DLGAP2: variants seen among roughly 807,000 people sequenced by gnomAD.
DLGAP2 encodes disks large-associated protein 2.
A neutral mutation model predicts 100.3 loss-of-function variants in DLGAP2; 26 were observed. That is an observed-to-expected ratio of 0.26 (90% CI 0.19 to 0.36). DLGAP2 has a LOEUF of 0.36. Among genes scored for constraint, DLGAP2 ranks in the 10% least tolerant of loss-of-function variants. The probability of loss-of-function intolerance (pLI) is 1.00; values close to 1 mark genes in which losing one functional copy is unlikely to be tolerated. For synonymous variants in DLGAP2, 886 were observed against 630.1 expected (o/e 1.41, Z -6.08); for missense variants, 1,858 against 1,453.2 (o/e 1.28, Z -4.53).
chr8:1,038,568 A>G (rs1414988147), intron 2 of DLGAP2, among the ~76,000 whole-genome samples: 1 of 152,264 alleles, frequency 6.6e-6, no homozygotes, highest in African/African-American at 2.4e-5. Flanking sequence ...CGTTAGGAGT[A>G]ATTCTCAAGA....
chr8:1,377,815 T>C (rs987429901), intron 3 of DLGAP2: 5 of 152,320 alleles, frequency 3.3e-5, no homozygotes, highest in African/African-American at 1.2e-4. Context: ...TCCAGCTCCG[T>C]GCAGAACCCG....
intron 3 of DLGAP2, among the ~76,000 whole-genome samples, chr8:1,424,884 G>A (rs1395567190): frequency 6.6e-6 from 1 of 152,208 alleles, no homozygotes; most frequent in Non-Finnish European, 1.5e-5. Flanking sequence ...GAGGGAGAAT[G>A]AGGAGGGCTG....
chr8:1,335,997 T>G (rs952434921), intron 3 of DLGAP2, among the ~76,000 whole-genome samples: 17 of 152,114 alleles, frequency 1.1e-4, no homozygotes, highest in Non-Finnish European at 2.2e-4. Context: ...GGTAAAGAGC[T>G]CCAGGGGGGA....
intron 3 of DLGAP2, among the ~76,000 whole-genome samples, chr8:1,322,672 G>A (rs770480711): frequency 1.4e-4 from 21 of 151,998 alleles, no homozygotes; most frequent in East Asian, 5.8e-4. Flanking sequence ...CCCACCCATC[G>A]TGCTGCGTCC....
At chr8:814,785 G>A (rs566746359) in intron 1 of DLGAP2, among the ~76,000 whole-genome samples, 1 of 148,832 alleles carries the variant, frequency 6.7e-6, no homozygotes, top group South Asian at 2.1e-4. Context: ...CCTAGGAGGT[G>A]GAGCTGCAGT....
intron 3 of DLGAP2, among the ~76,000 whole-genome samples, chr8:1,317,162 C>CG (rs1800774656): frequency 2.4e-5 from 3 of 123,716 alleles, no homozygotes; most frequent in East Asian, 4.8e-4. Flanking sequence ...AACTCGGCAG[C>CG]TTTAAAAATA....
At chr8:989,086 A>C (rs1800574052) in intron 2 of DLGAP2, among the ~76,000 whole-genome samples, 1 of 152,170 alleles carries the variant, frequency 6.6e-6, no homozygotes, top group East Asian at 1.9e-4. Flanking sequence ...GATCCCGTCT[A>C]GTCAGCCTCC....
At chr8:787,272 G>C (rs1027022599) in intron 1 of DLGAP2, among the ~76,000 whole-genome samples, 3 of 152,102 alleles carry the variant, frequency 2.0e-5, no homozygotes, top group African/African-American at 7.2e-5. Flanking sequence ...AGAGCCTGAC[G>C]CGTCTGTTCT....
rs139293241 is a variant in DLGAP2 at position 801,587 on chromosome 8, G to T, written c.18+63762G>T. On this transcript the variant is annotated intron_variant, in intron 1 of 14. Transcript: ENST00000637795. ...CCCTGGGTCTTTCCTGAGTAGCTGT[G>T]TGGCCAGTGGGCTTGTGGGGCTCGC... 4.7e-4 allele frequency among the ~76,000 whole-genome samples: 71 copies of T among 152,300 alleles called. 1 individual carries two copies. Among genetic ancestry groups the T allele is most frequent in the African/African-American group, 1.7e-3 (71 of 41,548 alleles).
chr8:1,295,627 A>G (rs1307024793), intron 3 of DLGAP2, among the ~76,000 whole-genome samples: 4 of 152,234 alleles, frequency 2.6e-5, no homozygotes, highest in African/African-American at 9.6e-5. Context: ...GATTATGCCT[A>G]TAAATCCCAA....
At chr8:741,020 C>T (rs1820467752) in intron 1 of DLGAP2, among the ~76,000 whole-genome samples, 2 of 152,194 alleles carry the variant, frequency 1.3e-5, no homozygotes, top group Non-Finnish European at 1.5e-5. Context: ...GGCACACTTT[C>T]TATGCAGTTA....
In DLGAP2 at chr8:1,430,011, T is replaced by TATATATATATATATATAC. The variant is rs1554467366; in HGVS notation, c.107-71353_107-71336dup. ...GGGGAGAGATGCATATATATACATA[T>TATATATATATATATATAC]ATATATATATATATATACACACACA... On this transcript the variant is annotated intron_variant, in intron 3 of 14. Transcript: ENST00000637795. Among the ~76,000 whole-genome samples the TATATATATATATATATAC allele has an allele frequency of 4.7e-4, 30 of 63,956 alleles. 3 individuals are homozygous for TATATATATATATATATAC. The highest frequency in any genetic ancestry group is 1.1e-3 in the African/African-American group (20 of 18,118). 42.0% of individuals were successfully genotyped at this position (63,956 alleles called of 152,430 possible).
At chr8:1,386,072 A>C (rs1187802065) in intron 3 of DLGAP2, among the ~76,000 whole-genome samples, 1 of 152,258 alleles carries the variant, frequency 6.6e-6, no homozygotes, top group Non-Finnish European at 1.5e-5. Context: ...TTTGAAAATA[A>C]AATTGAAAAC....
chr8:1,165,865 A>G (rs947853387), intron 2 of DLGAP2, among the ~76,000 whole-genome samples: 5 of 152,106 alleles, frequency 3.3e-5, no homozygotes, highest in Admixed American at 1.3e-4. Flanking sequence ...AGGGAAAAAA[A>G]AAACATTCAG....
intron 3 of DLGAP2, among the ~76,000 whole-genome samples, chr8:1,325,769 G>A (rs1310426696): frequency 6.6e-6 from 1 of 152,212 alleles, no homozygotes; most frequent in African/African-American, 2.4e-5. Flanking sequence ...GTTTTCCTGA[G>A]ACGGGTGAAA....
intron 2 of DLGAP2, among the ~76,000 whole-genome samples, chr8:956,144 T>C (rs924577101): frequency 2.6e-5 from 4 of 152,206 alleles, no homozygotes; most frequent in African/African-American, 9.7e-5. Context: ...TTGAGATATA[T>C]AATTTGTGTG....
At chr8:1,309,166 C>G (rs370539058) in intron 3 of DLGAP2, among the ~76,000 whole-genome samples, 2 of 151,254 alleles carry the variant, frequency 1.3e-5, no homozygotes, top group East Asian at 1.9e-4. Flanking sequence ...GAAAAGAGAA[C>G]GAAATGAAAA....
chr8:1,494,301 T>C (rs936142921), intron 3 of DLGAP2, among the ~76,000 whole-genome samples: 2 of 152,268 alleles, frequency 1.3e-5, no homozygotes. Flanking sequence ...CGCATTAGCA[T>C]GATTTGGAGA....
At chr8:1,683,952 GTGTATATA>G (rs1315662838) in intron 12 of DLGAP2, among the ~76,000 whole-genome samples, 6 of 20,346 alleles carry the variant, frequency 2.9e-4, no homozygotes, top group South Asian at 3.6e-3. Context: ...ATATATATGT[GTGTATATA>G]TATATATATA....
Sources: allele counts gnomAD v4.1 joint callset (sites outside exome capture counted in the v4.1 genomes callset), GRCh38; gene constraint gnomAD v4.1.1; transcripts MANE v1.5; gene names NCBI Gene and HGNC (gene_info 2026-07-23, HGNC 2026-07-21).